Variants in DCC observed in about 807,000 individuals in gnomAD.
DCC encodes the protein DCC netrin 1 receptor.
In DCC, 58 loss-of-function variants were observed where a neutral mutation model predicts 172.5. The observed-to-expected ratio is 0.34, with a 90% CI of 0.27 to 0.42. The LOEUF is 0.42. Among genes scored for constraint, DCC ranks in the 10% least tolerant of loss-of-function variants. The pLI is 1.00. For synonymous variants in DCC, 709 were observed against 644.5 expected, an observed-to-expected ratio of 1.10 and a Z score of -1.52; for missense variants, 1,740 against 1,791.0, an observed-to-expected ratio of 0.97 and a Z score of 0.51.
chr18:53,459,220 T>G lies in DCC; in HGVS notation c.3393-12T>G. ...GAGGTTCTCACATTTGCCTTCTAAC[T>G]TTGTTCCATAGGAAACGGGCCACCC... On this transcript the variant is annotated splice_polypyrimidine_tract_variant and intron_variant, in intron 23 of 28. Coordinates refer to ENST00000442544, the MANE Select transcript of DCC (RefSeq NM_005215.4). 6.2e-7 allele frequency: 1 copy of G among 1,610,198 alleles called. No individual in the cohort carries two copies. The highest frequency in any genetic ancestry group is 1.7e-5 in the Admixed American group (1 of 59,976).
intron 14 of DCC, among the ~76,000 whole-genome samples, chr18:53,339,238 A>T (rs560801111): frequency 6.6e-6 from 1 of 152,350 alleles, no homozygotes; most frequent in East Asian, 1.9e-4. Context: ...TGCTGGACAG[A>T]TCATGGCCCT....
chr18:53,147,405 C>G (rs542515755), intron 7 of DCC, among the ~76,000 whole-genome samples: 1 of 152,166 alleles, frequency 6.6e-6, no homozygotes, highest in Admixed American at 6.5e-5. Context: ...ATTATGCCCC[C>G]TTTTGTTTTG....
At chr18:53,199,508 T>G (rs1477956036) in intron 9 of DCC, among the ~76,000 whole-genome samples, 45 of 152,158 alleles carry the variant, frequency 3.0e-4, no homozygotes, top group Non-Finnish European at 1.0e-4. Context: ...TTTATGGATA[T>G]GGAGCTGAAT....
intron 13 of DCC, among the ~76,000 whole-genome samples, chr18:53,307,897 G>GTA (rs771876514): frequency 4.0e-4 from 27 of 67,406 alleles, no homozygotes; most frequent in Non-Finnish European, 5.9e-4. Context: ...GTGTGTGTAT[G>GTA]TATATATATA....
chr18:53,332,540 T>G (rs1376147281), intron 14 of DCC, among the ~76,000 whole-genome samples: 2 of 152,150 alleles, frequency 1.3e-5, no homozygotes, highest in African/African-American at 4.8e-5. Flanking sequence ...GTTTAGTCAT[T>G]ATTAGGAACA....
At chr18:52,575,608 T>C (rs1458707287) in intron 1 of DCC, among the ~76,000 whole-genome samples, 3 of 152,178 alleles carry the variant, frequency 2.0e-5, no homozygotes, top group Non-Finnish European at 1.5e-5. Context: ...AGTTGTTTTT[T>C]TCCTACCTTT....
intron 2 of DCC, among the ~76,000 whole-genome samples, chr18:52,889,658 G>T (rs868707546): frequency 1.3e-5 from 2 of 152,068 alleles, no homozygotes; most frequent in Non-Finnish European, 2.9e-5. Flanking sequence ...ACAGTTAATT[G>T]CTTACAAAAC....
rs571212989 is a variant in DCC at position 52,392,128 on chromosome 18, T to C, written c.91+51250T>C. Reference sequence around the variant, plus strand: ...TGTGAATAAGAAGCCACTTGATCTATTAATTATGCTTCAGAATCAACGTGA... The same window carrying C: ...TGTGAATAAGAAGCCACTTGATCTACTAATTATGCTTCAGAATCAACGTGA... On this transcript the variant is annotated intron_variant, in intron 1 of 28. Coordinates refer to ENST00000442544, the MANE Select transcript of DCC (RefSeq NM_005215.4). Among the ~76,000 whole-genome samples the C allele has an allele frequency of 2.6e-5, 4 of 152,288 alleles. No homozygotes were observed. The East Asian group carries it at 7.7e-4, about 30-fold the overall frequency.
chr18:52,943,316 T>C (rs145095544), intron 5 of DCC, among the ~76,000 whole-genome samples: 12 of 152,328 alleles, frequency 7.9e-5, no homozygotes, highest in South Asian at 2.1e-4. Context: ...ATTTTCTTTA[T>C]GTAGAATTGT....
At chr18:52,840,708 C>A (rs138297548) in intron 2 of DCC, among the ~76,000 whole-genome samples, 3 of 152,136 alleles carry the variant, frequency 2.0e-5, no homozygotes, top group Non-Finnish European at 4.4e-5. Flanking sequence ...ATCTGGCTAT[C>A]GCAAGTAGAA....
In DCC at chr18:53,038,901, A is replaced by T. The variant is rs533519142; in HGVS notation, c.986-24404A>T. Among the ~76,000 whole-genome samples, 36 of 138,972 alleles carry T rather than the reference A, an allele frequency of 2.6e-4. 1 individual carries two copies. In the East Asian group the frequency reaches 5.2e-3, roughly 20 times the overall value. The allele number at this position is 138,972 out of a possible 152,430, so 91.2% of individuals were successfully genotyped here. A position where few individuals can be genotyped will look rare whatever the true frequency, so the allele number is the denominator to read the frequency against. ...TCCTTGGATTAGTAGAAATGCATTA[A>T]AAAAAAAAAACTCAAACATGTAAGG... On this transcript the variant is annotated intron_variant, in intron 5 of 28. Coordinates refer to ENST00000442544, the MANE Select transcript of DCC (RefSeq NM_005215.4).
At position 53,402,841 on chromosome 18, in the gene DCC, T is replaced by C. The variant is rs1175998230; in HGVS notation, c.2883T>C (p.Arg961=). The change falls in exon 19 of 29, where the codon CGT becomes CGC. Residue 961 remains arginine, a synonymous_variant. Coordinates refer to ENST00000442544, the MANE Select transcript of DCC (RefSeq NM_005215.4). ...TCATTACTAGGGAAGGGAAGCCTCG[T>C]GCCGTCATTGTGAGTTGGCAGCCTC... is the stretch of plus-strand genomic sequence containing the variant. ...LTVITREGKP[R]AVIVSWQPPL... 1 of 1,614,134 alleles carries C rather than the reference T, an allele frequency of 6.2e-7. No individual in the cohort carries two copies. Among genetic ancestry groups the C allele is most frequent in the Admixed American group, 1.7e-5 (1 of 60,024 alleles).
chr18:52,582,685 C>A (rs1197900547), intron 1 of DCC, among the ~76,000 whole-genome samples: 1 of 152,130 alleles, frequency 6.6e-6, no homozygotes, highest in East Asian at 1.9e-4. Context: ...CCATTACTTT[C>A]TTTGATGGCT....
chr18:52,652,459 A>G (rs745637188), intron 1 of DCC, among the ~76,000 whole-genome samples: 2 of 152,166 alleles, frequency 1.3e-5, no homozygotes, highest in Non-Finnish European at 2.9e-5. Flanking sequence ...AATTCCTTCA[A>G]TAACTTCAAG....
chr18:53,034,967 A>G (rs906845674), intron 5 of DCC, among the ~76,000 whole-genome samples: 1 of 151,998 alleles, frequency 6.6e-6, no homozygotes, highest in Non-Finnish European at 1.5e-5. Context: ...CCACTTTCCT[A>G]CACAATTCTT....
chr18:52,653,022 T>C (rs972780330), intron 1 of DCC, among the ~76,000 whole-genome samples: 1 of 152,158 alleles, frequency 6.6e-6, no homozygotes, highest in African/African-American at 2.4e-5. Context: ...TTTTTCCCCA[T>C]ATTTTACTGT....
intron 12 of DCC, among the ~76,000 whole-genome samples, chr18:53,242,633 TAA>T (rs1373054319): frequency 4.6e-4 from 70 of 152,148 alleles, no homozygotes; most frequent in African/African-American, 1.7e-3. Context: ...AAGAACCAAA[TAA>T]ATGCAAGAAA....
At position 52,872,327 on chromosome 18, in the gene DCC, A is replaced by G. The variant is rs192502480; in HGVS notation, c.413-33717A>G. Among the ~76,000 whole-genome samples, 5 of 152,280 alleles carry G rather than the reference A, an allele frequency of 3.3e-5. No homozygotes were observed. In the East Asian group the frequency reaches 9.7e-4, roughly 29 times the overall value. On this transcript the variant is annotated intron_variant, in intron 2 of 28. Coordinates refer to ENST00000442544, the MANE Select transcript of DCC (RefSeq NM_005215.4). The stretch of plus-strand genomic sequence containing the variant: ...AGGTAGCAGCCCTCAGAGAGAATCG[A>G]CAATGGTGAATGTTCCTTTCAGACT...
intron 5 of DCC, among the ~76,000 whole-genome samples, chr18:52,934,316 C>T (rs865999592): frequency 1.3e-5 from 2 of 151,884 alleles, no homozygotes; most frequent in South Asian, 2.1e-4. Flanking sequence ...ACATAGACAT[C>T]CCTCTGTGGG....
Sources: allele counts gnomAD v4.1 joint callset (sites outside exome capture counted in the v4.1 genomes callset), GRCh38; gene constraint gnomAD v4.1.1; transcripts MANE v1.5; gene names NCBI Gene and HGNC (gene_info 2026-07-23, HGNC 2026-07-21).